Variants in MCPH1 observed in about 807,000 individuals in gnomAD.
MCPH1 encodes the protein microcephalin.
A neutral mutation model predicts 84.5 loss-of-function variants in MCPH1; 104 were observed. The ratio of observed to expected loss-of-function variants is 1.23; its 90% CI spans 1.05 to 1.45. The LOEUF (loss-of-function observed/expected upper bound fraction) is 1.45. Among genes scored for constraint, MCPH1 ranks in the 40% most tolerant of loss-of-function variants. MCPH1 has a pLI of 0.00. For synonymous variants in MCPH1, 514 were observed against 366.8 expected, an observed-to-expected ratio of 1.40 and a Z score of -4.58; for missense variants, 1,498 against 1,005.7, an observed-to-expected ratio of 1.49 and a Z score of -6.62.
intron 12 of MCPH1, among the ~76,000 whole-genome samples, chr8:6,593,100 T>A (rs1181978579): frequency 6.6e-6 from 1 of 150,710 alleles, no homozygotes; most frequent in Non-Finnish European, 1.5e-5. Context: ...TTTTTTTTTT[T>A]TAGACAGAGT....
At chr8:6,614,439 C>G (rs1355113398) in intron 12 of MCPH1, among the ~76,000 whole-genome samples, 1 of 152,226 alleles carries the variant, frequency 6.6e-6, no homozygotes, top group Non-Finnish European at 1.5e-5. Flanking sequence ...CTTACCACAA[C>G]TACGTACTGC....
intron 12 of MCPH1, among the ~76,000 whole-genome samples, chr8:6,602,321 C>T (rs781654797): frequency 1.4e-4 from 22 of 152,248 alleles, no homozygotes; most frequent in East Asian, 3.9e-4. Context: ...GCATTCTGTG[C>T]GGATTTCTAT....
chr8:6,636,707 A>G (rs1283612944), intron 13 of MCPH1, among the ~76,000 whole-genome samples: 2 of 152,210 alleles, frequency 1.3e-5, no homozygotes, highest in Admixed American at 1.3e-4. Context: ...GGCTATGTGT[A>G]TAAGATGCAG....
chr8:6,638,595 A>ATTT (rs1453606979), intron 13 of MCPH1, among the ~76,000 whole-genome samples: 94 of 117,372 alleles, frequency 8.0e-4, no homozygotes, highest in African/African-American at 2.7e-3. Flanking sequence ...AAAAAAAAAA[A>ATTT]TTTTTTTTTT....
At chr8:6,523,201 G>A (rs1025561827) in intron 12 of MCPH1, among the ~76,000 whole-genome samples, 1 of 152,116 alleles carries the variant, frequency 6.6e-6, no homozygotes, top group Non-Finnish European at 1.5e-5. Context: ...CTTTTACCGT[G>A]TTAGCCAGGG....
rs1369961362 is a variant in MCPH1, at chr8:6,647,469, G to C, written c.*4420G>C. The C allele has an allele frequency of 6.6e-6, 1 of 152,188 alleles. No individual in the cohort carries two copies. The highest frequency in any genetic ancestry group is 1.5e-5 in the Non-Finnish European group (1 of 68,040). 9.4% of individuals were successfully genotyped at this position (152,188 alleles called of 1,614,324 possible). A position where few individuals can be genotyped will look rare whatever the true frequency, so the allele number is the denominator to read the frequency against. On this transcript the variant is annotated 3_prime_UTR_variant, in exon 14 of 14. Coordinates refer to ENST00000344683, the MANE Select transcript of MCPH1 (RefSeq NM_024596.5). ...AAAACATGGATCTGCACAAGGTCTT[G>C]TATACAAATGTTCATAGCAACATTA...
chr8:6,421,698 T>A (rs942894250), intron 3 of MCPH1, among the ~76,000 whole-genome samples: 1 of 152,188 alleles, frequency 6.6e-6, no homozygotes, highest in Admixed American at 6.5e-5. Flanking sequence ...TAGATTTGGA[T>A]CCTGTGGCAG....
chr8:6,412,673 T>C (rs1193678187), intron 2 of MCPH1, among the ~76,000 whole-genome samples: 1 of 152,158 alleles, frequency 6.6e-6, no homozygotes, highest in African/African-American at 2.4e-5. Flanking sequence ...TCCTGTTTAG[T>C]GTGTACTAAA....
chr8:6,640,071 T>C (rs1797831459), intron 13 of MCPH1, among the ~76,000 whole-genome samples: 1 of 141,086 alleles, frequency 7.1e-6, no homozygotes, highest in Admixed American at 7.0e-5. Context: ...TGTGTGTGTG[T>C]GTGTGTGTGT....
At chr8:6,581,660 A>G (rs796179296) in intron 12 of MCPH1, among the ~76,000 whole-genome samples, 17 of 152,358 alleles carry the variant, frequency 1.1e-4, no homozygotes, top group African/African-American at 4.1e-4. Flanking sequence ...CCTCATTTCC[A>G]TAGTCTTAGA....
At chr8:6,525,912 C>T (rs934634534) in intron 12 of MCPH1, among the ~76,000 whole-genome samples, 5 of 151,982 alleles carry the variant, frequency 3.3e-5, no homozygotes, top group African/African-American at 1.2e-4. Flanking sequence ...CATAATTGAC[C>T]CAAATTGGTA....
intron 4 of MCPH1, among the ~76,000 whole-genome samples, chr8:6,433,938 A>G (rs2440421): frequency 0.99 from 150,160 of 152,178 alleles, 74,104 homozygotes; most frequent in East Asian, 1. Context: ...TCGTATTTCT[A>G]TTTCAGAGCC....
chr8:6,563,950 T>G lies in MCPH1; in HGVS notation c.2215-57504T>G, dbSNP rs3020239. On this transcript the variant is annotated intron_variant, in intron 12 of 13. Coordinates refer to ENST00000344683, the MANE Select transcript of MCPH1 (RefSeq NM_024596.5). The stretch of plus-strand genomic sequence containing the variant: ...TACAATAGAGAAATTAGAATTTAAG[T>G]GCCTGTGTAGAAAGAGGAATACAAA... Among the ~76,000 whole-genome samples the G allele has an allele frequency of 7.3e-5, 11 of 151,696 alleles. No homozygotes were observed. The East Asian group carries it at 1.2e-3, about 16-fold the overall frequency.
rs1203305224 is a variant in MCPH1, at chr8:6,442,128, G to A, written c.642G>A (p.Leu214=). ...NPSNSLCEAP[L]NISRDTLCSD... ...GTAACTCTCTGTGTGAAGCACCTTT[G>A]AACATTTCACGTGATACTTTGTGTT... The change falls in exon 7 of 14, where the codon TTG becomes TTA. Residue 214 remains leucine (L), a synonymous_variant. Coordinates refer to ENST00000344683, the MANE Select transcript of MCPH1 (RefSeq NM_024596.5). The A allele has an allele frequency of 1.2e-6, 2 of 1,612,332 alleles. No homozygotes were observed. Among genetic ancestry groups the A allele is most frequent in the Non-Finnish European group, 1.7e-6 (2 of 1,178,536 alleles).
chr8:6,547,643 T>G (rs1822841823), intron 12 of MCPH1, among the ~76,000 whole-genome samples: 1 of 152,014 alleles, frequency 6.6e-6, no homozygotes, highest in Non-Finnish European at 1.5e-5. Context: ...TATCAAACAG[T>G]GAGTGCCTTT....
chr8:6,503,911 T>C (rs1798943657), intron 12 of MCPH1, among the ~76,000 whole-genome samples: 1 of 152,200 alleles, frequency 6.6e-6, no homozygotes, highest in African/African-American at 2.4e-5. Flanking sequence ...TGCTGGGGTT[T>C]GTGAGAGAAA....
rs567260056 is a variant in MCPH1, at chr8:6,444,120, C to T, written c.671-273C>T. Among the ~76,000 whole-genome samples, 3 of 152,256 alleles carry T rather than the reference C, an allele frequency of 2.0e-5. No homozygotes were observed. The East Asian group carries it at 5.8e-4, about 29-fold the overall frequency. ...TGCTCTTTTGGAAAATGTGCACATG[C>T]ATATGGAAATTTGCCTAAAATTTTT... On this transcript the variant is annotated intron_variant, in intron 7 of 13. Coordinates refer to ENST00000344683, the MANE Select transcript of MCPH1 (RefSeq NM_024596.5).
At chr8:6,449,562 G>C (rs566270868) in intron 8 of MCPH1, among the ~76,000 whole-genome samples, 1 of 151,996 alleles carries the variant, frequency 6.6e-6, no homozygotes, top group East Asian at 1.9e-4. Flanking sequence ...GAACCCAGGA[G>C]ACAGAGGTTG....
At chr8:6,609,132 A>T (rs13269006) in intron 12 of MCPH1, among the ~76,000 whole-genome samples, 96,833 of 152,000 alleles carry the variant, frequency 0.64, 33,382 homozygotes, top group Non-Finnish European at 0.79. Context: ...CCATTTTTTA[A>T]GGATGAAATC....
Sources: allele counts gnomAD v4.1 joint callset (sites outside exome capture counted in the v4.1 genomes callset), GRCh38; gene constraint gnomAD v4.1.1; transcripts MANE v1.5; gene names NCBI Gene and HGNC (gene_info 2026-07-23, HGNC 2026-07-21).